Variants in KDM6A observed in about 807,000 individuals in gnomAD.
KDM6A encodes the protein lysine-specific demethylase 6A.
In KDM6A, 11 loss-of-function variants were observed where a neutral mutation model predicts 117.6. The observed-to-expected ratio is 0.09, with a 90% confidence interval of 0.06 to 0.15. The LOEUF (loss-of-function observed/expected upper bound fraction) is 0.15. Among genes scored for constraint, KDM6A ranks in the 10% least tolerant of loss-of-function variants. The pLI is 1.00. For missense variants in KDM6A, 799 were observed against 1,077.3 expected (o/e 0.74, Z 3.62); for synonymous variants, 384 against 396.1 (o/e 0.97, Z 0.36).
At chrX:45,067,987 G>C (rs1438874433) in intron 17 of KDM6A, among the ~76,000 whole-genome samples, 1 of 111,081 alleles carries the variant, frequency 9.0e-6, no homozygotes, top group African/African-American at 3.3e-5. Context: ...TAGTGTTTTA[G>C]GTAGATAAGC....
chrX:45,003,902 C>A (rs1253735310), intron 4 of KDM6A, among the ~76,000 whole-genome samples: 2 of 95,639 alleles, frequency 2.1e-5, no homozygotes, highest in African/African-American at 7.7e-5. Context: ...CCCCCTTCCA[C>A]CCCCTCTTCC....
rs112043439 is a variant in KDM6A, at chrX:45,077,195, C to T, written c.2988+369C>T. Among the ~76,000 whole-genome samples, 934 of 108,933 alleles carry T rather than the reference C, an allele frequency of 8.6e-3. 11 individuals carry two copies. The highest frequency in any genetic ancestry group is 0.03 in the African/African-American group (899 of 30,028). The allele number at this position is 108,933 out of a possible 115,157, so 94.6% of individuals were successfully genotyped here. On this transcript the variant is annotated intron_variant, in intron 19 of 29. Transcript: ENST00000611820. ...CATTCTGTTTTATACATCTACCCCCCCAAAAAAGATACTACCTTCAAAATA... is the reference window on the plus strand; with the variant it reads ...CATTCTGTTTTATACATCTACCCCCTCAAAAAAGATACTACCTTCAAAATA...
At chrX:44,902,874 C>T (rs1202969133) in intron 2 of KDM6A, among the ~76,000 whole-genome samples, 1 of 111,713 alleles carries the variant, frequency 9.0e-6, no homozygotes, top group Non-Finnish European at 1.9e-5. Flanking sequence ...TCCAAGATTG[C>T]TGCATCTTTA....
chrX:45,015,265 T>C (rs2041916394), intron 5 of KDM6A, among the ~76,000 whole-genome samples: 1 of 109,641 alleles, frequency 9.1e-6, no homozygotes, highest in South Asian at 4.0e-4. Context: ...CTTGAACCAC[T>C]ATGCCTGGCT....
intron 4 of KDM6A, 58 bp from the exon 5 acceptor site, chrX:45,010,903 C>T: frequency 1.2e-6 from 1 of 846,475 alleles, no homozygotes; most frequent in Non-Finnish European, 1.8e-6. Flanking sequence ...ACAATAATAA[C>T]ATCATATATG....
At chrX:45,006,303 T>C (rs2147544836) in intron 4 of KDM6A, among the ~76,000 whole-genome samples, 1 of 107,667 alleles carries the variant, frequency 9.3e-6, no homozygotes, top group African/African-American at 3.4e-5. Context: ...GGGAGGGGAA[T>C]GTAATCATGG....
intron 6 of KDM6A, among the ~76,000 whole-genome samples, chrX:45,029,136 T>G (rs1284692307): frequency 9.0e-6 from 1 of 111,676 alleles, no homozygotes; most frequent in East Asian, 2.8e-4. Flanking sequence ...ATTGTCACAT[T>G]TAGAAAAAGG....
chrX:45,056,835 C>T (rs2044091975), intron 10 of KDM6A, among the ~76,000 whole-genome samples: 1 of 111,558 alleles, frequency 9.0e-6, no homozygotes, highest in Admixed American at 9.5e-5. Context: ...TTATTTCTCC[C>T]AGCAGTTAGG....
In KDM6A at chrX:45,042,734, TA is replaced by T. The variant is rs1485484224; in HGVS notation, c.654+5046del. ...GAAGAAGTTTCCCCACTTCTCTACA[TA>T]GGAAGAAGTTTCCCCACTTCTCTAC... On this transcript the variant is annotated intron_variant, in intron 8 of 29. Transcript: ENST00000611820. Among the ~76,000 whole-genome samples the T allele has an allele frequency of 2.0e-3, 208 of 106,133 alleles. 2 individuals carry two copies. Among genetic ancestry groups the T allele is most frequent in the African/African-American group, 7.5e-3 (202 of 26,768 alleles). The allele number at this position is 106,133 out of a possible 115,157, so 92.2% of individuals were successfully genotyped here.
At chrX:44,992,775 T>C (rs1240590085) in intron 4 of KDM6A, among the ~76,000 whole-genome samples, 1 of 109,966 alleles carries the variant, frequency 9.1e-6, no homozygotes, top group African/African-American at 3.3e-5. Context: ...CTCAATCTCC[T>C]GACCATGTGA....
At chrX:45,104,749 A>C (rs993210841) in intron 27 of KDM6A, among the ~76,000 whole-genome samples, 12 of 111,919 alleles carry the variant, frequency 1.1e-4, no homozygotes, top group Non-Finnish European at 2.1e-4. Flanking sequence ...CAGTTTTGTT[A>C]TTCATCATCA....
At chrX:44,930,544 T>A (rs2146957020) in intron 2 of KDM6A, among the ~76,000 whole-genome samples, 1 of 111,951 alleles carries the variant, frequency 8.9e-6, no homozygotes, top group Non-Finnish European at 1.9e-5. Flanking sequence ...AAAAGGGTTG[T>A]TCTATTCAAG....
At position 45,042,285 on chromosome X, in the gene KDM6A, GGGAGAGGGGAGAGGGGAGA is replaced by G. The variant is rs1166942110; in HGVS notation, c.654+4599_654+4617del. On this transcript the variant is annotated intron_variant, in intron 8 of 29. Transcript: ENST00000611820. Reference sequence around the variant, plus strand: ...AGAGGGGAGAGGGGAGAGGGGAGAGGGGAGAGGGGAGAGGGGAGAGGGAGAGTCATTTGATAAATTTTAA... The same window carrying G: ...AGAGGGGAGAGGGGAGAGGGGAGAGGGGGAGAGTCATTTGATAAATTTTAA... Among the ~76,000 whole-genome samples the G allele has an allele frequency of 1.2e-3, 82 of 70,501 alleles. 8 individuals carry two copies. Among genetic ancestry groups the G allele is most frequent in the African/African-American group, 3.9e-3 (38 of 9,776 alleles). 61.2% of individuals were successfully genotyped at this position (70,501 alleles called of 115,157 possible).
At chrX:44,973,340 G>A (rs2039453800) in intron 3 of KDM6A, among the ~76,000 whole-genome samples, 1 of 111,245 alleles carries the variant, frequency 9.0e-6, no homozygotes, top group South Asian at 3.8e-4. Flanking sequence ...TCTCTGTTGT[G>A]TCTCCTGCTT....
chrX:44,903,957 T>TC lies in KDM6A; in HGVS notation c.225+29973dup, dbSNP rs771785305. Among the ~76,000 whole-genome samples, 5 of 112,064 alleles carry TC rather than the reference T, an allele frequency of 4.5e-5. No individual in the cohort carries two copies. In the South Asian group the frequency reaches 1.8e-3, roughly 41 times the overall value. ...TTGTCTAGTAAGCTCATCTGGGCTT[T>TC]CCCTGGGATGGTTTCTGTTGATTGC... is the stretch of plus-strand genomic sequence containing the variant. On this transcript the variant is annotated intron_variant, in intron 2 of 29. Transcript: ENST00000611820.
intron 21 of KDM6A, among the ~76,000 whole-genome samples, chrX:45,082,139 A>G (rs951550373): frequency 1.5e-4 from 16 of 109,803 alleles, no homozygotes; most frequent in Non-Finnish European, 2.5e-4. Context: ...TAAGAGGCCT[A>G]TAGAAACTTA....
intron 10 of KDM6A, among the ~76,000 whole-genome samples, chrX:45,054,964 T>C (rs1430122615): frequency 9.0e-6 from 1 of 111,435 alleles, no homozygotes; most frequent in Non-Finnish European, 1.9e-5. Flanking sequence ...CTAGGGATGC[T>C]GCTAAACATC....
chrX:45,011,516 C>T (rs1325284645), intron 5 of KDM6A, among the ~76,000 whole-genome samples: 3 of 111,604 alleles, frequency 2.7e-5, no homozygotes, highest in Non-Finnish European at 5.6e-5. Flanking sequence ...AGTACCACTT[C>T]AGAGTTGGAG....
At chrX:44,961,713 AC>A (rs1569484338) in intron 3 of KDM6A, among the ~76,000 whole-genome samples, 1 of 111,917 alleles carries the variant, frequency 8.9e-6, no homozygotes, top group Non-Finnish European at 1.9e-5. Flanking sequence ...GGTAACAAAA[AC>A]TCACCATTTT....
Sources: allele counts gnomAD v4.1 joint callset (sites outside exome capture counted in the v4.1 genomes callset), GRCh38; gene constraint gnomAD v4.1.1; transcripts MANE v1.5; gene names NCBI Gene and HGNC (gene_info 2026-07-23, HGNC 2026-07-21).